The following ARIH1 variants were observed in gnomAD, a reference collection of about 807,000 sequenced individuals.
ARIH1 encodes the protein E3 ubiquitin-protein ligase ARIH1.
Under a neutral mutation model 85.0 loss-of-function variants are expected in ARIH1, and 8 were observed. The ratio of observed to expected loss-of-function variants is 0.09; its 90% CI spans 0.06 to 0.17. The LOEUF (loss-of-function observed/expected upper bound fraction) is 0.17, where lower values mean the gene tolerates loss of function less well. ARIH1 is among the 10% of genes least tolerant of loss of function. The pLI, the probability that ARIH1 is intolerant of heterozygous loss-of-function variation, is 1.00. For missense variants in ARIH1, 311 were observed against 718.1 expected, an observed-to-expected ratio of 0.43 and a Z score of 6.48; for synonymous variants, 238 against 253.6, an observed-to-expected ratio of 0.94 and a Z score of 0.59.
chr15:72,528,575 C>T (rs1034338227), intron 2 of ARIH1, among the ~76,000 whole-genome samples: 6 of 152,160 alleles, frequency 3.9e-5, no homozygotes, highest in African/African-American at 1.2e-4. Flanking sequence ...AATCCACGGC[C>T]GGGCACAGTG....
Position 72,563,461 on chromosome 15 carries a change from A to T in ARIH1, c.872A>T (p.Asp291Val). The T allele has an allele frequency of 6.2e-7, 1 of 1,614,128 alleles. No individual in the cohort carries two copies. Among genetic ancestry groups the T allele is most frequent in the Non-Finnish European group, 8.5e-7 (1 of 1,179,978 alleles). ...CATGTTGTTAAAGTCCAATATCCTGATGCTAAACCTGTTCGCTGCAAATGT... is the reference window on the plus strand; with the variant it reads ...CATGTTGTTAAAGTCCAATATCCTGTTGCTAAACCTGTTCGCTGCAAATGT... ...CHHVVKVQYP[D>V]AKPVRCKCGR... Residue 291 changes from aspartate to valine, a missense_variant, in exon 7 of 14, where the codon GAT (aspartate) becomes GTT (valine). Physicochemically the swap from Asp to Val is radical, Grantham distance 152. Around this residue, in one of 3 missense-constraint regions of ARIH1, gnomAD observed 104 missense variants for 221.4 expected, o/e 0.47. Coordinates refer to ENST00000379887, the MANE Select transcript of ARIH1 (RefSeq NM_005744.5).
intron 12 of ARIH1, chr15:72,581,391 G>C (rs1008777144): frequency 4.2e-5 from 7 of 165,972 alleles, no homozygotes; most frequent in Admixed American, 1.7e-4. Flanking sequence ...ATTGCTATAC[G>C]GCACCTGGAA....
At chr15:72,544,149 G>T (rs1313358233) in intron 2 of ARIH1, among the ~76,000 whole-genome samples, 1 of 152,002 alleles carries the variant, frequency 6.6e-6, no homozygotes, top group Non-Finnish European at 1.5e-5. Context: ...TATATAAAAT[G>T]TTTGAAGATA....
intron 1 of ARIH1, among the ~76,000 whole-genome samples, chr15:72,479,094 G>A (rs933536943): frequency 1.4e-4 from 22 of 152,026 alleles, no homozygotes; most frequent in African/African-American, 5.3e-4. Flanking sequence ...TTGAACCTCA[G>A]CCTCTCAAAA....
chr15:72,538,125 A>G lies in ARIH1; in HGVS notation c.444-6695A>G, dbSNP rs1327984180. On this transcript the variant is annotated intron_variant, in intron 2 of 13. Transcript: ENST00000379887. The stretch of plus-strand genomic sequence containing the variant: ...ACACCTGTAATCCCAGCACTTTGGG[A>G]GGCTGAGGTGGGCAGATCACTTGAG... Among the ~76,000 whole-genome samples the G allele has an allele frequency of 3.3e-4, 50 of 152,138 alleles. 1 individual carries two copies.
intron 11 of ARIH1, among the ~76,000 whole-genome samples, chr15:72,575,236 T>C (rs960840872): frequency 1.3e-5 from 2 of 152,178 alleles, no homozygotes; most frequent in Admixed American, 1.3e-4. Context: ...CCAAACTGCT[T>C]TCAGGTCGCT....
chr15:72,560,283 C>T (rs1170608696), intron 5 of ARIH1, among the ~76,000 whole-genome samples: 1 of 152,060 alleles, frequency 6.6e-6, no homozygotes, highest in Admixed American at 6.6e-5. Context: ...TTTAAGGTGC[C>T]ATGAGAACTG....
At chr15:72,476,665 A>G (rs943760097) in intron 1 of ARIH1, among the ~76,000 whole-genome samples, 8 of 152,198 alleles carry the variant, frequency 5.3e-5, no homozygotes, top group African/African-American at 1.2e-4. Flanking sequence ...CCCGGCCTGT[A>G]GAAGATGCAC....
chr15:72,535,353 A>ACT (rs1288948355), intron 2 of ARIH1, among the ~76,000 whole-genome samples: 1 of 152,208 alleles, frequency 6.6e-6, no homozygotes, highest in Non-Finnish European at 1.5e-5. Context: ...CATGCTAAGT[A>ACT]GCATGTCATA....
At position 72,526,166 on chromosome 15, in the gene ARIH1, A is replaced by G. The variant is rs554794636; in HGVS notation, c.443+8032A>G. Among the ~76,000 whole-genome samples, 5 of 152,308 alleles carry G rather than the reference A, an allele frequency of 3.3e-5. No homozygotes were observed. The South Asian group carries it at 1.0e-3, about 32-fold the overall frequency. On this transcript the variant is annotated intron_variant, in intron 2 of 13. Transcript: ENST00000379887. ...CTTATTTCGATATATTTAAAGATAAATCTTATCCTAGTTAAAATTGTGAAA... is the reference window on the plus strand; with the variant it reads ...CTTATTTCGATATATTTAAAGATAAGTCTTATCCTAGTTAAAATTGTGAAA...
intron 2 of ARIH1, among the ~76,000 whole-genome samples, chr15:72,527,325 A>G (rs903264734): frequency 6.6e-6 from 1 of 152,130 alleles, no homozygotes; most frequent in Admixed American, 6.5e-5. Context: ...TGACACCACA[A>G]CTAATACCTC....
In ARIH1 at chr15:72,533,266, A is replaced by G. The variant is rs1196355509; in HGVS notation, c.444-11554A>G. Among the ~76,000 whole-genome samples the G allele has an allele frequency of 3.9e-5, 6 of 152,118 alleles. No homozygotes were observed. In the East Asian group the frequency reaches 7.7e-4, roughly 20 times the overall value. ...TGTCTCAGCCTCCCAAGTAGCTGGG[A>G]CTACAGGACCATGCCCCCAAGCACA... On this transcript the variant is annotated intron_variant, in intron 2 of 13. Transcript: ENST00000379887.
intron 1 of ARIH1, among the ~76,000 whole-genome samples, chr15:72,497,334 G>A (rs7178680): frequency 6.6e-6 from 1 of 152,044 alleles, no homozygotes; most frequent in South Asian, 2.1e-4. Flanking sequence ...AAATCTTCCT[G>A]TTATTTCGCT....
chr15:72,593,787 T>C lies in ARIH1; in HGVS notation c.*10495T>C, dbSNP rs529617319. On this transcript the variant is annotated 3_prime_UTR_variant, in exon 14 of 14. Transcript: ENST00000379887. Reference sequence around the variant, plus strand: ...CAAGATCGCTTTGGTTATTGTCGATTCTTTGGATTGTCATAAAAGTTTTAC... The same window carrying C: ...CAAGATCGCTTTGGTTATTGTCGATCCTTTGGATTGTCATAAAAGTTTTAC... The C allele has an allele frequency of 2.6e-5, 4 of 152,346 alleles. No homozygotes were observed. The highest frequency in any genetic ancestry group is 9.6e-5 in the African/African-American group (4 of 41,584). 9.4% of individuals were successfully genotyped at this position (152,346 alleles called of 1,614,324 possible). A position where few individuals can be genotyped will look rare whatever the true frequency, so the allele number is the denominator to read the frequency against.
At chr15:72,539,638 C>G (rs1243660135) in intron 2 of ARIH1, among the ~76,000 whole-genome samples, 1 of 152,080 alleles carries the variant, frequency 6.6e-6, no homozygotes, top group Admixed American at 6.6e-5. Context: ...ATATTCTTAA[C>G]AACTAAAGGA....
In ARIH1 at chr15:72,602,496, A is replaced by G. The variant is rs891667797; in HGVS notation, c.*19204A>G. On this transcript the variant is annotated 3_prime_UTR_variant, in exon 14 of 14. Coordinates refer to ENST00000379887, the MANE Select transcript of ARIH1 (RefSeq NM_005744.5). The stretch of plus-strand genomic sequence containing the variant: ...ATGTCTGACTAATTTGCTACACTCT[A>G]AATTCCCAATTCATACTTAAGTCTC... The G allele has an allele frequency of 6.6e-6, 1 of 152,218 alleles. No homozygotes were observed. The highest frequency in any genetic ancestry group is 2.4e-5 in the African/African-American group (1 of 41,452). 9.4% of individuals were successfully genotyped at this position (152,218 alleles called of 1,614,324 possible).
intron 3 of ARIH1, among the ~76,000 whole-genome samples, chr15:72,553,331 A>AT (rs2064160954): frequency 6.6e-6 from 1 of 152,164 alleles, no homozygotes; most frequent in Admixed American, 6.5e-5. Flanking sequence ...AACTCTTAAG[A>AT]TTTTAGAACA....
intron 2 of ARIH1, among the ~76,000 whole-genome samples, chr15:72,537,351 A>G (rs1158789643): frequency 1.3e-5 from 2 of 152,222 alleles, no homozygotes; most frequent in Middle Eastern, 3.4e-3. Context: ...CCTTTTTTAA[A>G]TTTAATTTTT....
At chr15:72,545,054 G>A (rs748816194) in intron 3 of ARIH1, 90 bp downstream of exon 3, 1 of 1,246,630 alleles carries the variant, frequency 8.0e-7, no homozygotes, top group Non-Finnish European at 1.1e-6. Flanking sequence ...AAATTTGTGG[G>A]TCTGGGAGTA....
Sources: allele counts gnomAD v4.1 joint callset (sites outside exome capture counted in the v4.1 genomes callset), GRCh38; gene constraint gnomAD v4.1.1; regional missense constraint gnomAD v4.1.1; transcripts MANE v1.5; gene names NCBI Gene and HGNC (gene_info 2026-07-23, HGNC 2026-07-21).